The following SDC4 variants were observed in gnomAD, a reference collection of about 807,000 sequenced individuals.
SDC4 encodes the protein syndecan 4.
A neutral mutation model predicts 20.5 loss-of-function variants in SDC4; 17 were observed. The ratio of observed to expected loss-of-function variants is 0.83; its 90% CI spans 0.57 to 1.25. SDC4 has a LOEUF of 1.25. Among genes scored for constraint, SDC4 ranks in the 50% most tolerant of loss-of-function variants. SDC4 has a pLI of 0.00. For missense variants in SDC4, 241 were observed against 252.3 expected, an observed-to-expected ratio of 0.96 and a Z score of 0.30; for synonymous variants, 107 against 105.3, an observed-to-expected ratio of 1.02 and a Z score of -0.10.
intron 1 of SDC4, chr20:45,345,434 C>T (rs80067496): frequency 6.6e-6 from 1 of 152,286 alleles, no homozygotes; most frequent in African/African-American, 2.4e-5. Context: ...CTCCCCCCAA[C>T]CTCATGGAAC....
At position 45,335,871 on chromosome 20, in the gene SDC4, T is replaced by G. The variant is rs772767243; in HGVS notation, c.110A>C (p.Tyr37Ser). 6.2e-7 allele frequency: 1 copy of G among 1,613,752 alleles called. No individual in the cohort carries two copies. The highest frequency in any genetic ancestry group is 8.5e-7 in the Non-Finnish European group (1 of 1,179,936). ...IDPQDLLEGR[Y>S]FSGALPDDED... ...ATCGTCTGGTAGGGCTCCGGAGAAG[T>G]ATCGGCCTTCTAGGAGGTCCTGGGG... Residue 37 changes from tyrosine (Y) to serine (S), a missense_variant, in exon 2 of 5, where the codon TAC becomes TCC. Coordinates refer to ENST00000372733, the MANE Select transcript of SDC4 (RefSeq NM_002999.4).
chr20:45,341,397 CAG>C (rs963094283), intron 1 of SDC4, among the ~76,000 whole-genome samples: 70 of 152,136 alleles, frequency 4.6e-4, no homozygotes, highest in Non-Finnish European at 5.3e-4. Context: ...AAAAAAGATA[CAG>C]AGATAGTCAG....
intron 1 of SDC4, among the ~76,000 whole-genome samples, chr20:45,336,873 G>T (rs1568906705): frequency 1.3e-5 from 2 of 151,906 alleles, no homozygotes; most frequent in African/African-American, 4.8e-5. Flanking sequence ...CCTGGATTCA[G>T]TCTTGCCTTC....
At chr20:45,328,679 G>A (rs1987731295) in intron 4 of SDC4, among the ~76,000 whole-genome samples, 1 of 152,128 alleles carries the variant, frequency 6.6e-6, no homozygotes, top group Non-Finnish European at 1.5e-5. Context: ...GGCAGATTGA[G>A]TTCCCTAATT....
intron 2 of SDC4, among the ~76,000 whole-genome samples, chr20:45,333,474 G>T (rs1381072022): frequency 2.6e-5 from 4 of 152,210 alleles, no homozygotes; most frequent in African/African-American, 9.7e-5. Flanking sequence ...ATCGAGACCA[G>T]CCTGGCCAAC....
At position 45,327,439 on chromosome 20, in the gene SDC4, G is replaced by A. The variant is rs1198768069; in HGVS notation, c.446-24C>T. On this transcript the variant is annotated intron_variant, in intron 4 of 4. Transcript: ENST00000372733. ...AGCTGGAGAGGAGGAGAGAGAAGAG[G>A]CGGGGGTGAGAGCTCCTCATCAGGA... 12 of 1,606,908 alleles carry A rather than the reference G, an allele frequency of 7.5e-6. No homozygotes were observed. The South Asian group carries it at 9.9e-5, about 13-fold the overall frequency.
intron 1 of SDC4, among the ~76,000 whole-genome samples, chr20:45,343,198 C>T (rs918267979): frequency 1.5e-4 from 23 of 152,182 alleles, no homozygotes; most frequent in Non-Finnish European, 2.6e-4. Context: ...AGAAGTCAGG[C>T]TTATTCTTCT....
At chr20:45,333,455 G>A (rs1987810951) in intron 2 of SDC4, among the ~76,000 whole-genome samples, 2 of 152,214 alleles carry the variant, frequency 1.3e-5, no homozygotes, top group South Asian at 4.1e-4. Flanking sequence ...GATCACTTGA[G>A]GTCAGGAGAT....
At chr20:45,332,163 T>C (rs1600729411) in intron 3 of SDC4, among the ~76,000 whole-genome samples, 2 of 9,860 alleles carry the variant, frequency 2.0e-4, no homozygotes, top group Admixed American at 9.8e-4. Flanking sequence ...ATATATACTT[T>C]TTTTTTTTTT....
At chr20:45,329,057 T>G (rs942078272) in intron 4 of SDC4, among the ~76,000 whole-genome samples, 1 of 152,178 alleles carries the variant, frequency 6.6e-6, no homozygotes, top group African/African-American at 2.4e-5. Flanking sequence ...GATAAGTTCT[T>G]TAGACTGAGT....
chr20:45,326,407 A>T lies in SDC4; in HGVS notation c.*857T>A, dbSNP rs1396410893. 4 of 142,170 alleles carry T rather than the reference A, an allele frequency of 2.8e-5. No homozygotes were observed. The highest frequency in any genetic ancestry group is 7.0e-5 in the Admixed American group (1 of 14,342). The allele number at this position is 142,170 out of a possible 1,614,324, so 8.8% of individuals were successfully genotyped here. ...GTAAAAAAAAAAAAAAAAAAAAAAA[A>T]TTAATAAAAATCATCTCTCCGGCTC... On this transcript the variant is annotated 3_prime_UTR_variant, in exon 5 of 5. Coordinates refer to ENST00000372733, the MANE Select transcript of SDC4 (RefSeq NM_002999.4).
Position 45,327,334 on chromosome 20 carries a change from T to C in SDC4, c.527A>G (p.Asp176Gly), listed in dbSNP as rs1261112873. ...CTTGCCCAGGTCATAGCTGCCTTCA[T>C]CCTTCTTCTTCATACGGTACATGAG... The part of the protein sequence containing the change: ...LLLMYRMKKK[D>G]EGSYDLGKKP... The change falls in exon 5 of 5, where the codon GAT (aspartate) becomes GGT (glycine). Residue 176 changes from aspartate (D) to glycine (G), a missense_variant. Physicochemically the swap from Asp to Gly is moderately conservative, Grantham distance 94 (BLOSUM62 -1). Transcript: ENST00000372733. 1.4e-5 allele frequency: 23 copies of C among 1,614,184 alleles called. No individual in the cohort carries two copies. Among genetic ancestry groups the C allele is most frequent in the Non-Finnish European group, 1.9e-5 (22 of 1,180,032 alleles).
intron 1 of SDC4, among the ~76,000 whole-genome samples, chr20:45,337,166 A>G (rs1987883738): frequency 6.6e-6 from 1 of 152,096 alleles, no homozygotes; most frequent in Non-Finnish European, 1.5e-5. Context: ...GAGCACAGGA[A>G]ACATTTGGAT....
intron 1 of SDC4, among the ~76,000 whole-genome samples, chr20:45,340,429 A>C (rs1987938145): frequency 6.6e-6 from 1 of 152,056 alleles, no homozygotes; most frequent in African/African-American, 2.4e-5. Flanking sequence ...TTCCTCAAGA[A>C]CACGTCCCAA....
rs771954520 is a variant in SDC4 at position 45,333,042 on chromosome 20, G to T, written c.227C>A (p.Pro76His). Residue 76 changes from proline (P) to histidine (H), a missense_variant, in exon 3 of 5, where the codon CCT (proline) becomes CAT (histidine). Transcript: ENST00000372733. ...LDDLEDSMIG[P>H]EVVHPLVPLD... is the part of the protein sequence containing the mutation. ...ACTTACCAAGGGATGGACAACTTCA[G>T]GGCCGATCATGGAGTCTTCCAAGTC... 7 of 1,614,082 alleles carry T rather than the reference G, an allele frequency of 4.3e-6. No individual in the cohort carries two copies. The African/African-American group carries it at 9.3e-5, about 22-fold the overall frequency.
intron 2 of SDC4, among the ~76,000 whole-genome samples, chr20:45,334,672 A>G (rs547609632): frequency 6.6e-6 from 1 of 152,008 alleles, no homozygotes; most frequent in African/African-American, 2.4e-5. Context: ...TATTTTTAGT[A>G]GAGACGGGGT....
chr20:45,332,985 G>A (rs755366194), intron 3 of SDC4, 38 bp downstream of exon 3: 1 of 1,599,974 alleles, frequency 6.3e-7, no homozygotes, highest in Non-Finnish European at 8.6e-7. Flanking sequence ...TGCTATAGAG[G>A]AGCAAAGTGG....
rs543805140 is a variant in SDC4, at chr20:45,336,801, G to A, written c.61-881C>T. On this transcript the variant is annotated intron_variant, in intron 1 of 4. Transcript: ENST00000372733. ...GCCGGGACAGACAGGGCTGCCTCAC[G>A]CACACCCTAAGACAGCCTCAGGTCA... Among the ~76,000 whole-genome samples, 4 of 152,016 alleles carry A rather than the reference G, an allele frequency of 2.6e-5. No individual in the cohort carries two copies. In the East Asian group the frequency reaches 5.8e-4, roughly 22 times the overall value.
intron 3 of SDC4, among the ~76,000 whole-genome samples, chr20:45,331,774 G>A (rs2145708926): frequency 6.6e-6 from 1 of 152,232 alleles, no homozygotes; most frequent in South Asian, 2.1e-4. Context: ...TCTAAAAAGG[G>A]GAGGAGCCCC....
Sources: allele counts gnomAD v4.1 joint callset (sites outside exome capture counted in the v4.1 genomes callset), GRCh38; gene constraint gnomAD v4.1.1; transcripts MANE v1.5; gene names NCBI Gene and HGNC (gene_info 2026-07-23, HGNC 2026-07-21).